The following PDS5B variants were observed in gnomAD, a reference collection of about 807,000 sequenced individuals.
PDS5B encodes PDS5 cohesin associated factor B, also known as sister chromatid cohesion protein PDS5 homolog B.
Under a neutral mutation model 184.1 loss-of-function variants are expected in PDS5B, and 51 were observed. That is an observed-to-expected ratio of 0.28 (90% CI 0.22 to 0.35). PDS5B has a LOEUF of 0.35. Ranked by LOEUF, PDS5B falls within the 10% of genes least tolerant of loss-of-function variation. The pLI is 1.00. For synonymous variants in PDS5B, 566 were observed against 569.2 expected (o/e 0.99, Z 0.08); for missense variants, 1,180 against 1,723.3 (o/e 0.68, Z 5.58).
Position 32,775,095 on chromosome 13 carries a change from A to AAATTTTTTTT in PDS5B, c.*43_*44insAATTTTTTTT. 3.7e-6 allele frequency: 2 copies of AAATTTTTTTT among 547,602 alleles called. No individual in the cohort carries two copies. Among genetic ancestry groups the AAATTTTTTTT allele is most frequent in the Non-Finnish European group, 5.1e-6 (2 of 388,720 alleles). The allele number at this position is 547,602 out of a possible 1,614,324, so 33.9% of individuals were successfully genotyped here. The stretch of plus-strand genomic sequence containing the variant: ...CTTTCTCTGTGAAAGCTTTGGAAAA[A>AAATTTTTTTT]TCTTTTTTTTTTTTTTTGGTCAAGC... On this transcript the variant is annotated 3_prime_UTR_variant, in exon 35 of 35. Transcript: ENST00000315596.
chr13:32,597,597 C>CG (rs2057897533), intron 1 of PDS5B, among the ~76,000 whole-genome samples: 1 of 143,474 alleles, frequency 7.0e-6, no homozygotes, highest in African/African-American at 2.6e-5. Context: ...AGGCTGAGGC[C>CG]GAGGGGGGGG....
intron 1 of PDS5B, among the ~76,000 whole-genome samples, chr13:32,627,267 C>G (rs2058384451): frequency 6.6e-6 from 1 of 152,138 alleles, no homozygotes; most frequent in South Asian, 2.1e-4. Flanking sequence ...ACTGCAGGTG[C>G]AGTGCTTTAC....
intron 9 of PDS5B, among the ~76,000 whole-genome samples, chr13:32,678,383 G>A (rs1456429184): frequency 6.6e-6 from 1 of 152,190 alleles, no homozygotes; most frequent in Non-Finnish European, 1.5e-5. Flanking sequence ...GTAATATACT[G>A]TAGGGTTTAG....
At position 32,667,781 on chromosome 13, in the gene PDS5B, A is replaced by G. The variant is rs1314600466; in HGVS notation, c.642A>G (p.Ala214=). Residue 214 remains alanine (A), a synonymous_variant, in exon 7 of 35, where the codon GCA becomes GCG. Transcript: ENST00000315596. ...TTTTTCAGAATTTAAACAAGCAAGCATATGATTTGGCAAAGGCTTTACTGA... is the reference window on the plus strand; with the variant it reads ...TTTTTCAGAATTTAAACAAGCAAGCGTATGATTTGGCAAAGGCTTTACTGA... ...VPAHKNLNKQ[A]YDLAKALLKR... is the part of the protein sequence containing the mutation. 5.0e-6 allele frequency: 8 copies of G among 1,594,624 alleles called. No homozygotes were observed. In the African/African-American group the frequency reaches 6.8e-5, roughly 13 times the overall value.
intron 26 of PDS5B, among the ~76,000 whole-genome samples, chr13:32,757,667 G>A (rs927675342): frequency 1.3e-5 from 2 of 151,964 alleles, no homozygotes; most frequent in African/African-American, 4.8e-5. Flanking sequence ...ATTTAATAAG[G>A]CAGTTATATT....
chr13:32,654,276 T>C (rs998925946), intron 3 of PDS5B, among the ~76,000 whole-genome samples: 2 of 152,178 alleles, frequency 1.3e-5, no homozygotes, highest in Admixed American at 6.5e-5. Context: ...GTATACAGAT[T>C]AGAAAATTGT....
chr13:32,588,354 A>G (rs1287174269), intron 1 of PDS5B, among the ~76,000 whole-genome samples: 2 of 152,246 alleles, frequency 1.3e-5, no homozygotes, highest in Non-Finnish European at 2.9e-5. Context: ...TAAGAACATT[A>G]TTCCTTATAA....
intron 1 of PDS5B, among the ~76,000 whole-genome samples, chr13:32,647,719 A>C (rs1318126965): frequency 6.6e-6 from 1 of 151,826 alleles, no homozygotes; most frequent in African/African-American, 2.4e-5. Context: ...TTTCCTGTAG[A>C]TATTTTTGGA....
At chr13:32,735,056 A>C (rs1390282486) in intron 20 of PDS5B, 116 bp from the exon 21 acceptor site, 6 of 594,908 alleles carry the variant, frequency 1.0e-5, no homozygotes, top group Non-Finnish European at 1.6e-5. Context: ...TAGTTTTTAT[A>C]ATTTGAATTA....
At chr13:32,674,904 A>C (rs1289660278) in intron 8 of PDS5B, among the ~76,000 whole-genome samples, 1 of 151,004 alleles carries the variant, frequency 6.6e-6, no homozygotes, top group Non-Finnish European at 1.5e-5. Flanking sequence ...GCTGATTCCG[A>C]GTTTTGGGGA....
At chr13:32,587,648 G>A (rs1284208066) in intron 1 of PDS5B, among the ~76,000 whole-genome samples, 1 of 152,196 alleles carries the variant, frequency 6.6e-6, no homozygotes, top group African/African-American at 2.4e-5. Context: ...CGCGGACGGG[G>A]CGAGCTCCGG....
At chr13:32,773,472 AACATCTT>A in intron 34 of PDS5B, 148 bp downstream of exon 34, 1 of 705,266 alleles carries the variant, frequency 1.4e-6, no homozygotes, top group Non-Finnish European at 2.3e-6. Flanking sequence ...GATAATGGAG[AACATCTT>A]TTATGGAAAC....
rs1025366283 is a variant in PDS5B, at chr13:32,772,281, G to T, written c.4173-908G>T. Among the ~76,000 whole-genome samples the T allele has an allele frequency of 4.3e-4, 65 of 152,288 alleles. 1 individual carries two copies. The highest frequency in any genetic ancestry group is 1.5e-3 in the African/African-American group (62 of 41,562). ...TTATCAAGAGGGATCCATTTGATTA[G>T]ATGGTTCTATTACATATTTTTTGAT... On this transcript the variant is annotated intron_variant, in intron 33 of 34. Transcript: ENST00000315596.
intron 19 of PDS5B, among the ~76,000 whole-genome samples, chr13:32,711,769 A>G (rs1362080097): frequency 2.0e-5 from 3 of 152,218 alleles, no homozygotes; most frequent in Non-Finnish European, 4.4e-5. Context: ...GTGTATGTGT[A>G]TGTGTGTATT....
At chr13:32,677,269 CTTAAT>C (rs1951097313) in intron 9 of PDS5B, among the ~76,000 whole-genome samples, 1 of 151,944 alleles carries the variant, frequency 6.6e-6, no homozygotes, top group African/African-American at 2.4e-5. Flanking sequence ...AATTATGCAA[CTTAAT>C]TTAAAGTTTA....
chr13:32,657,048 A>G (rs1203612787), intron 3 of PDS5B, among the ~76,000 whole-genome samples: 1 of 152,198 alleles, frequency 6.6e-6, no homozygotes, highest in South Asian at 2.1e-4. Flanking sequence ...AAGAATGTAT[A>G]TTCTGTTGTT....
chr13:32,626,823 A>G (rs1180130429), intron 1 of PDS5B, among the ~76,000 whole-genome samples: 1 of 152,214 alleles, frequency 6.6e-6, no homozygotes, highest in Non-Finnish European at 1.5e-5. Context: ...AAGTAGCCTA[A>G]TAAGTATTTA....
At chr13:32,626,837 T>C (rs1019009964) in intron 1 of PDS5B, among the ~76,000 whole-genome samples, 1 of 152,216 alleles carries the variant, frequency 6.6e-6, no homozygotes, top group Non-Finnish European at 1.5e-5. Flanking sequence ...GTATTTATGG[T>C]TCAAGAATTA....
chr13:32,762,580 TA>T (rs1007656505), intron 30 of PDS5B, among the ~76,000 whole-genome samples: 2 of 152,172 alleles, frequency 1.3e-5, no homozygotes, highest in African/African-American at 4.8e-5. Context: ...ACTCATTTTC[TA>T]AATTACTGGT....
Sources: allele counts gnomAD v4.1 joint callset (sites outside exome capture counted in the v4.1 genomes callset), GRCh38; gene constraint gnomAD v4.1.1; transcripts MANE v1.5; gene names NCBI Gene and HGNC (gene_info 2026-07-23, HGNC 2026-07-21).